The following NR2F1-AS1 variants were observed in gnomAD, a reference collection of about 807,000 sequenced individuals.
The protein encoded by NR2F1-AS1 is NR2F1 regulatory antisense RNA 1.
At chr5:93,421,656 G>A (rs970638128) in intron 4 of NR2F1-AS1, among the ~76,000 whole-genome samples, 1 of 152,140 alleles carries the variant, frequency 6.6e-6, no homozygotes, top group Non-Finnish European at 1.5e-5. Context: ...ATGCAAATCA[G>A]CCTCCTGCAA....
At chr5:93,443,299 G>C (rs1580227991) in intron 4 of NR2F1-AS1, among the ~76,000 whole-genome samples, 1 of 152,098 alleles carries the variant, frequency 6.6e-6, no homozygotes, top group African/African-American at 2.4e-5. Flanking sequence ...TAAAAACCTT[G>C]AAAAACGATT....
At chr5:93,424,563 T>G (rs1749157223) in intron 4 of NR2F1-AS1, among the ~76,000 whole-genome samples, 1 of 152,098 alleles carries the variant, frequency 6.6e-6, no homozygotes, top group South Asian at 2.1e-4. Context: ...ATATCCCACT[T>G]GGACCTCTGC....
chr5:93,417,900 GAA>G (rs1188265614), intron 4 of NR2F1-AS1, among the ~76,000 whole-genome samples: 1 of 152,096 alleles, frequency 6.6e-6, no homozygotes, highest in Admixed American at 6.6e-5. Context: ...TCACCATACT[GAA>G]AATATTCTAA....
At chr5:93,456,737 C>T (rs565236918) in intron 4 of NR2F1-AS1, among the ~76,000 whole-genome samples, 5 of 151,888 alleles carry the variant, frequency 3.3e-5, no homozygotes, top group Non-Finnish European at 5.9e-5. Flanking sequence ...ACGCCGGCAC[C>T]GGTCTCTGAG....
chr5:93,421,990 G>C (rs146839155), intron 4 of NR2F1-AS1, among the ~76,000 whole-genome samples: 1 of 152,238 alleles, frequency 6.6e-6, no homozygotes, highest in Non-Finnish European at 1.5e-5. Context: ...CTTTCTCAAA[G>C]CATGTGCCAC....
chr5:93,430,550 TC>T (rs1261829499), intron 4 of NR2F1-AS1, among the ~76,000 whole-genome samples: 3 of 152,088 alleles, frequency 2.0e-5, no homozygotes, highest in African/African-American at 4.8e-5. Context: ...TAAAAATATA[TC>T]AAAAAATACT....
rs538186869 is a variant in NR2F1-AS1, at chr5:93,430,734, C to T, written n.639-35192G>A. Among the ~76,000 whole-genome samples, 464 of 152,278 alleles carry T rather than the reference C, an allele frequency of 3.0e-3. 1 individual carries two copies. Among genetic ancestry groups the T allele is most frequent in the Non-Finnish European group, 5.6e-3 (380 of 68,018 alleles). On this transcript the variant is annotated intron_variant and non_coding_transcript_variant, in intron 4 of 5. Transcript: ENST00000660523. The stretch of plus-strand genomic sequence containing the variant: ...AATAGAAACAGGTTTCTAAAACTGT[C>T]TGAAGTTTCCCGTCATTATCAATAC...
chr5:93,570,746 A>G (rs907614746), intron 1 of NR2F1-AS1: 2 of 152,206 alleles, frequency 1.3e-5, no homozygotes, highest in Non-Finnish European at 2.9e-5. Context: ...CAGTGCGCAG[A>G]TACCGCGGCC....
chr5:93,553,191 G>A (rs1415160111), intron 4 of NR2F1-AS1, among the ~76,000 whole-genome samples: 1 of 149,074 alleles, frequency 6.7e-6, no homozygotes, highest in African/African-American at 2.5e-5. Context: ...GTGCAGTGGC[G>A]TGATCTCACC....
At chr5:93,574,260 C>A (rs1752844286) in intron 1 of NR2F1-AS1, among the ~76,000 whole-genome samples, 1 of 152,202 alleles carries the variant, frequency 6.6e-6, no homozygotes, top group Non-Finnish European at 1.5e-5. Context: ...GGAGGAGGCA[C>A]CCGACTGGGC....
intron 4 of NR2F1-AS1, among the ~76,000 whole-genome samples, chr5:93,460,510 T>C (rs566435165): frequency 6.6e-6 from 1 of 152,132 alleles, no homozygotes; most frequent in Non-Finnish European, 1.5e-5. Flanking sequence ...GATGATCAAC[T>C]ACTACAGAAA....
At chr5:93,515,758 T>G (rs1243850215) in intron 4 of NR2F1-AS1, among the ~76,000 whole-genome samples, 1 of 151,844 alleles carries the variant, frequency 6.6e-6, no homozygotes, top group African/African-American at 2.4e-5. Context: ...GATGATTGAA[T>G]AGAGATAATG....
At chr5:93,460,928 T>C (rs1750077120) in intron 4 of NR2F1-AS1, among the ~76,000 whole-genome samples, 1 of 152,220 alleles carries the variant, frequency 6.6e-6, no homozygotes, top group Non-Finnish European at 1.5e-5. Flanking sequence ...AGTGTGGCAA[T>C]ACCTCAAAGA....
At chr5:93,544,918 CAAAAAAAAAAAAA>C (rs11322318) in intron 4 of NR2F1-AS1, 1 of 61,788 alleles carries the variant, frequency 1.6e-5, no homozygotes, top group African/African-American at 5.1e-5. Context: ...GATTCCATCT[CAAAAAAAAAAAAA>C]AAAAAAAAGA....
Position 93,559,320 on chromosome 5 carries a change from T to A in NR2F1-AS1, n.413+4044A>T, listed in dbSNP as rs571601514. ...CATTTTCTGTGTAACTTCCTCAACC[T>A]TCACAGAATCGAAGAGAGTTAGGGC... On this transcript the variant is annotated intron_variant and non_coding_transcript_variant, in intron 2 of 5. Coordinates refer to ENST00000660523, the Ensembl canonical transcript of NR2F1-AS1. Among the ~76,000 whole-genome samples the A allele has an allele frequency of 5.3e-4, 81 of 152,360 alleles. 1 individual carries two copies. Among genetic ancestry groups the A allele is most frequent in the Admixed American group, 1.2e-3 (19 of 15,300 alleles).
At chr5:93,580,541 G>C (rs1244112084) in exon 1 of NR2F1-AS1, 1 of 152,398 alleles carries the variant, frequency 6.6e-6, no homozygotes, top group Non-Finnish European at 1.5e-5. Context: ...GGGCGGCTGG[G>C]CCGGCGGACT....
chr5:93,506,483 G>C (rs1221012026), intron 4 of NR2F1-AS1, among the ~76,000 whole-genome samples: 2 of 152,154 alleles, frequency 1.3e-5, no homozygotes, highest in Admixed American at 1.3e-4. Context: ...TGCTGATAAA[G>C]ATGTACCCAA....
At chr5:93,527,996 A>G (rs1751657872) in intron 4 of NR2F1-AS1, among the ~76,000 whole-genome samples, 2 of 152,146 alleles carry the variant, frequency 1.3e-5, no homozygotes, top group Admixed American at 6.6e-5. Flanking sequence ...ACTAACAAAC[A>G]GGATCTAATT....
chr5:93,521,007 G>C (rs375619092), intron 4 of NR2F1-AS1, among the ~76,000 whole-genome samples: 6 of 152,066 alleles, frequency 3.9e-5, no homozygotes, highest in African/African-American at 9.7e-5. Flanking sequence ...ACATGGTACT[G>C]GTTCAAAAAA....
Sources: allele counts gnomAD v4.1 joint callset (sites outside exome capture counted in the v4.1 genomes callset), GRCh38; gene constraint gnomAD v4.1.1; transcripts MANE v1.5; gene names NCBI Gene and HGNC (gene_info 2026-07-23, HGNC 2026-07-21).